Variants in NUP214 observed in about 807,000 individuals in gnomAD.
The protein encoded by NUP214 is nucleoporin 214.
In NUP214, 79 loss-of-function variants were observed where a neutral mutation model predicts 196.2. The ratio of observed to expected loss-of-function variants is 0.40; its 90% CI spans 0.34 to 0.49. The LOEUF is 0.49. NUP214 is among the 20% of genes least tolerant of loss of function. NUP214 has a pLI of 0.58. For missense variants in NUP214, 2,468 were observed against 2,539.0 expected (o/e 0.97, Z 0.60); for synonymous variants, 1,020 against 990.5 (o/e 1.03, Z -0.56).
rs993595102 is a variant in NUP214, at chr9:131,211,200, A to G, written c.5593-4012A>G. 2.6e-5 allele frequency among the ~76,000 whole-genome samples: 4 copies of G among 152,206 alleles called. No homozygotes were observed. In the East Asian group the frequency reaches 5.8e-4, roughly 22 times the overall value. ...CTTTAATAAAACGGTATAATTTCAGATAGTGTTAAGTACTGTGAAATAAAG... is the reference window on the plus strand; with the variant it reads ...CTTTAATAAAACGGTATAATTTCAGGTAGTGTTAAGTACTGTGAAATAAAG... On this transcript the variant is annotated intron_variant, in intron 30 of 35. Coordinates refer to ENST00000359428, the MANE Select transcript of NUP214 (RefSeq NM_005085.4).
At chr9:131,179,813 G>A (rs1180105322) in intron 24 of NUP214, among the ~76,000 whole-genome samples, 2 of 152,132 alleles carry the variant, frequency 1.3e-5, no homozygotes, top group East Asian at 1.9e-4. Flanking sequence ...TAGTGACCTC[G>A]GAGCCTTGGT....
rs754712829 is a variant in NUP214, at chr9:131,151,733, T to C, written c.2278-3T>C. 26 of 1,598,294 alleles carry C rather than the reference T, an allele frequency of 1.6e-5. No individual in the cohort carries two copies. Among genetic ancestry groups the C allele is most frequent in the Non-Finnish European group, 2.1e-5 (25 of 1,175,876 alleles). ...TACCAACACATTATTGTACTTTTTC[T>C]AGTCGCTTCATGGAGATATAAGTAG... On this transcript the variant is annotated splice_region_variant and splice_polypyrimidine_tract_variant and intron_variant, in intron 16 of 35. Transcript: ENST00000359428.
At chr9:131,183,311 C>T (rs886077100) in intron 24 of NUP214, among the ~76,000 whole-genome samples, 3 of 152,240 alleles carry the variant, frequency 2.0e-5, no homozygotes, top group Non-Finnish European at 4.4e-5. Flanking sequence ...TCTCGAACTC[C>T]TGACCTCAGG....
At chr9:131,130,857 TC>T in intron 5 of NUP214, 21 bp downstream of exon 5, 1 of 1,608,564 alleles carries the variant, frequency 6.2e-7, no homozygotes. Flanking sequence ...ATCTTGAACT[TC>T]AGAATTTTTC....
At position 131,146,129 on chromosome 9, in the gene NUP214, G is replaced by A. The variant is rs1435169890; in HGVS notation, c.1770G>A (p.Lys590=). 1 of 1,614,084 alleles carries A rather than the reference G, an allele frequency of 6.2e-7. No homozygotes were observed. The part of the protein sequence containing the change: ...TSAVKVNLSE[K]FTAAATSTPV... ...AGGCCTTCAGGCTGCCATTTTTCAG[G>A]TTTACTGCTGCAGCTACCTCTACTC... Residue 590 remains lysine, a splice_region_variant and synonymous_variant, in exon 13 of 36, where the codon AAG becomes AAA. Transcript: ENST00000359428. This position sits in a 1 kb window ranked among gnomAD's most constrained non-coding sequence, Gnocchi z 4.6.
rs1014418814 is a variant in NUP214, at chr9:131,197,993, C to T, written c.4499C>T (p.Ala1500Val). 2 of 1,614,254 alleles carry T rather than the reference C, an allele frequency of 1.2e-6. No individual in the cohort carries two copies. The highest frequency in any genetic ancestry group is 1.7e-6 in the Non-Finnish European group (2 of 1,180,038). ...AGCACAGAAGAGGCCACTTCATCAG[C>T]TTTGCCTGAGAAGCCAGGTGACAGT... The part of the protein sequence containing the change: ...GRSTEEATSS[A>V]LPEKPGDSEV... Residue 1500 changes from alanine to valine, a missense_variant, in exon 29 of 36, where the codon GCT (alanine) becomes GTT (valine). Ala to Val is a moderately conservative substitution (Grantham distance 64, BLOSUM62 0). Coordinates refer to ENST00000359428, the MANE Select transcript of NUP214 (RefSeq NM_005085.4).
intron 33 of NUP214, chr9:131,230,196 G>A: frequency 5.5e-6 from 1 of 181,826 alleles, no homozygotes; most frequent in Admixed American, 5.5e-5. Context: ...GAAATGACTT[G>A]GAAAAAGTAA....
intron 24 of NUP214, among the ~76,000 whole-genome samples, chr9:131,182,385 T>C (rs1833305745): frequency 6.6e-6 from 1 of 152,226 alleles, no homozygotes; most frequent in Middle Eastern, 3.2e-3. Flanking sequence ...TCCTGTCAGA[T>C]CAGCGGCAGC....
intron 26 of NUP214, 79 bp downstream of exon 26, chr9:131,189,210 A>G: frequency 8.6e-7 from 1 of 1,156,674 alleles, no homozygotes; most frequent in Non-Finnish European, 1.3e-6. Context: ...TCACTGAGAC[A>G]GTTGCCATAG....
chr9:131,229,541 A>T, intron 33 of NUP214: 1 of 359,168 alleles, frequency 2.8e-6, no homozygotes, highest in Non-Finnish European at 5.5e-6. Flanking sequence ...ACTAGTAGAA[A>T]AGTATATTCT....
chr9:131,148,221 C>A (rs1239011634), intron 14 of NUP214, among the ~76,000 whole-genome samples: 1 of 152,204 alleles, frequency 6.6e-6, no homozygotes, highest in East Asian at 1.9e-4. Flanking sequence ...TGAGGTTAGC[C>A]TGCCTGTACC....
chr9:131,139,255 C>CTTTTTTTTTTT (rs200377608), intron 9 of NUP214, 26 bp from the exon 10 acceptor site: 95 of 1,093,056 alleles, frequency 8.7e-5, no homozygotes, highest in South Asian at 4.2e-4. Context: ...TCTTCTTCTT[C>CTTTTTTTTTTT]TTTTTTTTTT....
At chr9:131,213,427 G>A (rs577377860) in intron 30 of NUP214, among the ~76,000 whole-genome samples, 10 of 152,094 alleles carry the variant, frequency 6.6e-5, no homozygotes, top group East Asian at 3.9e-4. Flanking sequence ...CACCTGCCTC[G>A]GCCTCCCAAA....
intron 17 of NUP214, among the ~76,000 whole-genome samples, chr9:131,153,697 A>G (rs749482003): frequency 3.3e-4 from 51 of 152,340 alleles, no homozygotes; most frequent in Middle Eastern, 3.4e-3. Flanking sequence ...ACTATGGACA[A>G]TGCACAGATG....
In NUP214 at chr9:131,133,089, T is replaced by G. The variant is rs200029782; in HGVS notation, c.728-17T>G. ...GCTGTCATTTTTATGAGCTACTGATTAAGATGTGTCTTTCAGTTCTGGATG... is the reference window on the plus strand; with the variant it reads ...GCTGTCATTTTTATGAGCTACTGATGAAGATGTGTCTTTCAGTTCTGGATG... On this transcript the variant is annotated splice_polypyrimidine_tract_variant and intron_variant, in intron 6 of 35. Transcript: ENST00000359428. The G allele has an allele frequency of 1.3e-5, 20 of 1,584,426 alleles. No individual in the cohort carries two copies. The East Asian group carries it at 3.6e-4, about 28-fold the overall frequency.
At chr9:131,130,650 C>G in intron 4 of NUP214, 116 bp from the exon 5 acceptor site, 1 of 953,280 alleles carries the variant, frequency 1.0e-6, no homozygotes, top group Non-Finnish European at 1.6e-6. Flanking sequence ...AGAGATGATC[C>G]TACAATCTTC....
intron 25 of NUP214, among the ~76,000 whole-genome samples, chr9:131,188,626 G>A (rs1363907682): frequency 1.3e-5 from 2 of 152,240 alleles, no homozygotes; most frequent in Non-Finnish European, 2.9e-5. Context: ...AAGTCATGGC[G>A]AGTGAAGGAA....
intron 34 of NUP214, 59 bp downstream of exon 34, chr9:131,230,828 C>T (rs1834855034): frequency 1.3e-6 from 2 of 1,557,536 alleles, no homozygotes. Context: ...CCTTCTCCCC[C>T]AAAGAAATGA....
chr9:131,223,727 A>ATTTATTTATTTT, intron 32 of NUP214, among the ~76,000 whole-genome samples: 6 of 15,652 alleles, frequency 3.8e-4, no homozygotes, highest in African/African-American at 7.6e-4. Flanking sequence ...TTATTTATTT[A>ATTTATTTATTTT]TTTTTTTTTT....
Sources: allele counts gnomAD v4.1 joint callset (sites outside exome capture counted in the v4.1 genomes callset), GRCh38; gene constraint gnomAD v4.1.1; non-coding constraint Gnocchi (gnomAD v3.1); transcripts MANE v1.5; gene names NCBI Gene and HGNC (gene_info 2026-07-23, HGNC 2026-07-21).